Variants in CHSY3 observed in about 807,000 individuals in gnomAD.
CHSY3 encodes chondroitin sulfate synthase 3.
Under a neutral mutation model 67.2 loss-of-function variants are expected in CHSY3, and 35 were observed. The ratio of observed to expected loss-of-function variants is 0.52; its 90% CI spans 0.40 to 0.69. CHSY3 has a LOEUF of 0.69. Among genes scored for constraint, CHSY3 ranks in the 30% least tolerant of loss-of-function variants. The probability of loss-of-function intolerance (pLI) is 0.00; values close to 1 mark genes in which losing one functional copy is unlikely to be tolerated. For synonymous variants in CHSY3, 474 were observed against 434.7 expected (o/e 1.09, Z -1.12); for missense variants, 1,069 against 1,138.5 (o/e 0.94, Z 0.88).
intron 2 of CHSY3, among the ~76,000 whole-genome samples, chr5:130,101,189 C>A (rs1410924756): frequency 6.6e-6 from 1 of 152,160 alleles, no homozygotes; most frequent in Non-Finnish European, 1.5e-5. Flanking sequence ...ATAAACCATC[C>A]GAGTATTTTT....
intron 2 of CHSY3, among the ~76,000 whole-genome samples, chr5:130,119,673 C>T (rs777744534): frequency 2.0e-5 from 3 of 151,966 alleles, no homozygotes; most frequent in Admixed American, 6.6e-5. Flanking sequence ...TTCCCAAATT[C>T]GAAAACTCCA....
chr5:130,118,793 G>A (rs1767909735), intron 2 of CHSY3, among the ~76,000 whole-genome samples: 1 of 151,982 alleles, frequency 6.6e-6, no homozygotes, highest in African/African-American at 2.4e-5. Context: ...AAGTGTCCAT[G>A]AAATAGGAAT....
intron 2 of CHSY3, among the ~76,000 whole-genome samples, chr5:129,930,537 G>A (rs1761273215): frequency 6.6e-6 from 1 of 150,578 alleles, no homozygotes; most frequent in African/African-American, 2.4e-5. Context: ...TTTGCCTGGA[G>A]GACTTCATGA....
intron 2 of CHSY3, among the ~76,000 whole-genome samples, chr5:130,103,734 G>A (rs1271880983): frequency 2.0e-5 from 3 of 151,936 alleles, no homozygotes; most frequent in Non-Finnish European, 4.4e-5. Context: ...AACTCTTAAT[G>A]TTATATATAA....
intron 2 of CHSY3, among the ~76,000 whole-genome samples, chr5:129,969,942 G>C (rs1248234474): frequency 6.6e-6 from 1 of 151,786 alleles, no homozygotes; most frequent in Non-Finnish European, 1.5e-5. Context: ...TAAATAAAAT[G>C]AACTCTGTAC....
At chr5:130,069,615 C>T (rs1305870930) in intron 2 of CHSY3, among the ~76,000 whole-genome samples, 2 of 152,070 alleles carry the variant, frequency 1.3e-5, no homozygotes, top group African/African-American at 4.8e-5. Flanking sequence ...GCTGTCTTAG[C>T]TACTTAACAT....
At chr5:130,030,237 T>G (rs1004903765) in intron 2 of CHSY3, among the ~76,000 whole-genome samples, 1 of 152,140 alleles carries the variant, frequency 6.6e-6, no homozygotes, top group Middle Eastern at 3.2e-3. Context: ...GTTTTAAGTG[T>G]CATAGTTTTC....
intron 2 of CHSY3, among the ~76,000 whole-genome samples, chr5:130,169,469 G>A (rs1234644699): frequency 6.6e-6 from 1 of 152,028 alleles, no homozygotes; most frequent in African/African-American, 2.4e-5. Context: ...AAGCATAAAT[G>A]ATGATCACTG....
In CHSY3 at chr5:130,036,935, A is replaced by C. The variant is rs78168449; in HGVS notation, c.1086+128575A>C. Among the ~76,000 whole-genome samples the C allele has an allele frequency of 3.9e-5, 6 of 152,276 alleles. No individual in the cohort carries two copies. In the East Asian group the frequency reaches 9.7e-4, roughly 25 times the overall value. ...GATAAATTCCATGCTAAGTAGACTGAAATCTGGATCAGCTTGAGGAAAGAT... is the reference window on the plus strand; with the variant it reads ...GATAAATTCCATGCTAAGTAGACTGCAATCTGGATCAGCTTGAGGAAAGAT... On this transcript the variant is annotated intron_variant, in intron 2 of 2. Coordinates refer to ENST00000305031, the MANE Select transcript of CHSY3 (RefSeq NM_175856.5).
At chr5:130,086,340 A>G (rs1766624053) in intron 2 of CHSY3, among the ~76,000 whole-genome samples, 2 of 151,916 alleles carry the variant, frequency 1.3e-5, no homozygotes, top group South Asian at 4.1e-4. Flanking sequence ...CTTCTTGTTG[A>G]ATTGATCCCT....
chr5:130,086,306 C>A (rs1198223561), intron 2 of CHSY3, among the ~76,000 whole-genome samples: 4 of 151,942 alleles, frequency 2.6e-5, no homozygotes, highest in Non-Finnish European at 5.9e-5. Flanking sequence ...GTATTGGGTG[C>A]ATATATATTT....
intron 2 of CHSY3, among the ~76,000 whole-genome samples, chr5:130,006,182 C>G (rs940037002): frequency 4.6e-5 from 7 of 152,008 alleles, no homozygotes; most frequent in African/African-American, 1.7e-4. Flanking sequence ...CTTGTTTCAA[C>G]AAAAACAAGG....
At chr5:130,169,836 A>G (rs1769850620) in intron 2 of CHSY3, among the ~76,000 whole-genome samples, 2 of 152,100 alleles carry the variant, frequency 1.3e-5, no homozygotes, top group South Asian at 2.1e-4. Flanking sequence ...CCTCTTTTTT[A>G]TCTGAAAGGG....
At chr5:130,049,695 A>C (rs1378996872) in intron 2 of CHSY3, among the ~76,000 whole-genome samples, 1 of 152,046 alleles carries the variant, frequency 6.6e-6, no homozygotes, top group African/African-American at 2.4e-5. Context: ...TGCACTAATT[A>C]ATTGGTACAT....
At chr5:129,924,204 C>G (rs1581370815) in intron 2 of CHSY3, among the ~76,000 whole-genome samples, 1 of 152,074 alleles carries the variant, frequency 6.6e-6, no homozygotes, top group East Asian at 1.9e-4. Flanking sequence ...GAGAGCTTCC[C>G]CCAACCCCCT....
intron 2 of CHSY3, among the ~76,000 whole-genome samples, chr5:130,003,555 T>G (rs1456597650): frequency 6.6e-6 from 1 of 152,170 alleles, no homozygotes; most frequent in Admixed American, 6.5e-5. Context: ...ATTTGTATTC[T>G]GTCTTTAGCA....
intron 2 of CHSY3, among the ~76,000 whole-genome samples, chr5:129,941,376 T>C (rs1398413539): frequency 6.6e-6 from 1 of 152,170 alleles, no homozygotes; most frequent in African/African-American, 2.4e-5. Flanking sequence ...AGACTCTTTA[T>C]TCATTATATT....
At chr5:129,910,147 G>A (rs895436459) in intron 2 of CHSY3, among the ~76,000 whole-genome samples, 1 of 151,864 alleles carries the variant, frequency 6.6e-6, no homozygotes, top group African/African-American at 2.4e-5. Context: ...TTATAGATGT[G>A]CACCCTGTCT....
intron 2 of CHSY3, among the ~76,000 whole-genome samples, chr5:130,153,444 A>C (rs895505000): frequency 3.3e-5 from 5 of 152,092 alleles, no homozygotes; most frequent in African/African-American, 1.2e-4. Context: ...TTGCAAGTTG[A>C]ATCTTACCTG....
Sources: gnomAD v4.1 joint callset for allele counts (sites outside exome capture counted in the v4.1 genomes callset) on GRCh38, gnomAD v4.1.1 for gene constraint, MANE v1.5 for transcripts, NCBI Gene and HGNC (gene_info 2026-07-23, HGNC 2026-07-21) for gene names.